The following CDH4 variants were observed in gnomAD, a reference collection of about 807,000 sequenced individuals.
The protein encoded by CDH4 is cadherin-4.
A neutral mutation model predicts 86.0 loss-of-function variants in CDH4; 33 were observed. The ratio of observed to expected loss-of-function variants is 0.38; its 90% CI spans 0.29 to 0.51. The LOEUF (loss-of-function observed/expected upper bound fraction) is 0.51. Ranked by LOEUF, CDH4 falls within the 20% of genes least tolerant of loss-of-function variation. CDH4 has a pLI of 0.86. For missense variants in CDH4, 1,114 were observed against 1,307.4 expected, an observed-to-expected ratio of 0.85 and a Z score of 2.28; for synonymous variants, 555 against 549.4, an observed-to-expected ratio of 1.01 and a Z score of -0.14.
intron 7 of CDH4, among the ~76,000 whole-genome samples, chr20:61,884,406 C>T (rs1286577488): frequency 1.3e-5 from 2 of 152,354 alleles, no homozygotes; most frequent in South Asian, 4.1e-4. Flanking sequence ...GAGGCAAAGT[C>T]TGCGGAGCCA....
intron 2 of CDH4, among the ~76,000 whole-genome samples, chr20:61,281,835 G>A (rs2084260642): frequency 6.6e-6 from 1 of 152,204 alleles, no homozygotes; most frequent in African/African-American, 2.4e-5. Context: ...TGACATGATT[G>A]CAGACATGTT....
In CDH4 at chr20:61,487,852, G is replaced by A. The variant is rs780553413; in HGVS notation, c.169+232915G>A. 2.0e-4 allele frequency among the ~76,000 whole-genome samples: 31 copies of A among 152,336 alleles called. No individual in the cohort carries two copies. The Middle Eastern group carries it at 0.01, about 50-fold the overall frequency. On this transcript the variant is annotated intron_variant, in intron 2 of 15. Coordinates refer to ENST00000614565, the MANE Select transcript of CDH4 (RefSeq NM_001794.5). ...TATTCAAAGTGTCAAAGTCTTGTCC[G>A]TGGAAACAGTCTGCATATGCAGTTA...
At chr20:61,647,558 CCT>C (rs2087076839) in intron 2 of CDH4, among the ~76,000 whole-genome samples, 1 of 83,716 alleles carries the variant, frequency 1.2e-5, no homozygotes, top group South Asian at 3.3e-4. Flanking sequence ...TCTCCCTCTC[CCT>C]CTCCCTCTCC....
chr20:61,648,068 C>T (rs1219481003), intron 2 of CDH4, among the ~76,000 whole-genome samples: 2 of 152,210 alleles, frequency 1.3e-5, no homozygotes, highest in Non-Finnish European at 2.9e-5. Flanking sequence ...CAGGCGTGGG[C>T]TCCAGCCACC....
chr20:61,326,286 T>C (rs918324727), intron 2 of CDH4, among the ~76,000 whole-genome samples: 4 of 152,160 alleles, frequency 2.6e-5, no homozygotes, highest in Non-Finnish European at 4.4e-5. Flanking sequence ...AAATAAAGGA[T>C]TGAGTGACCT....
At chr20:61,917,607 G>C (rs2054918320) in intron 9 of CDH4, among the ~76,000 whole-genome samples, 1 of 152,340 alleles carries the variant, frequency 6.6e-6, no homozygotes, top group Admixed American at 6.5e-5. Context: ...TCCCATCGGA[G>C]GGGAGCAGGG....
At chr20:61,341,909 T>A (rs1425331838) in intron 2 of CDH4, among the ~76,000 whole-genome samples, 1 of 152,152 alleles carries the variant, frequency 6.6e-6, no homozygotes, top group Non-Finnish European at 1.5e-5. Context: ...GGTTTGCGTC[T>A]CCTTTTCTTG....
chr20:61,708,506 T>C lies in CDH4; in HGVS notation c.170-35057T>C, dbSNP rs1281251765. Among the ~76,000 whole-genome samples the C allele has an allele frequency of 1.3e-5, 2 of 152,120 alleles. No homozygotes were observed. The highest frequency in any genetic ancestry group is 1.5e-5 in the Non-Finnish European group (1 of 68,024). On this transcript the variant is annotated intron_variant, in intron 2 of 15. Coordinates refer to ENST00000614565, the MANE Select transcript of CDH4 (RefSeq NM_001794.5). The surrounding 1 kb of genome is among the most constrained non-coding windows in gnomAD (Gnocchi z 4.5). ...CAATCCAGGCCCCGGGCTCCCAGTT[T>C]GACACCCGGCCACACAGCCCTGACT...
intron 2 of CDH4, among the ~76,000 whole-genome samples, chr20:61,670,791 G>A (rs2087377816): frequency 6.6e-6 from 1 of 152,198 alleles, no homozygotes. Context: ...GGAAGTCTGG[G>A]GCACTGTTCT....
chr20:61,815,910 C>T (rs545139674), intron 4 of CDH4, among the ~76,000 whole-genome samples: 9 of 152,316 alleles, frequency 5.9e-5, no homozygotes, highest in African/African-American at 1.7e-4. Context: ...CCGCAATGCC[C>T]GCGTTCATTT....
At chr20:61,881,501 GGCA>G (rs1362020390) in intron 7 of CDH4, among the ~76,000 whole-genome samples, 2 of 152,254 alleles carry the variant, frequency 1.3e-5, no homozygotes, top group Non-Finnish European at 2.9e-5. Flanking sequence ...GGCCCCACCT[GGCA>G]GCAGCGGCCA....
chr20:61,545,538 G>A (rs538045589), intron 2 of CDH4, among the ~76,000 whole-genome samples: 5 of 152,310 alleles, frequency 3.3e-5, no homozygotes, highest in South Asian at 2.1e-4. Flanking sequence ...ACTCTGTCCC[G>A]TCCTCTTTCT....
Position 61,296,284 on chromosome 20 carries a change from C to CGTGT in CDH4, c.169+41357_169+41360dup, listed in dbSNP as rs796871073. Among the ~76,000 whole-genome samples the CGTGT allele has an allele frequency of 2.4e-4, 21 of 86,286 alleles. No individual in the cohort carries two copies. The East Asian group carries it at 4.8e-3, about 20-fold the overall frequency. 56.6% of individuals were successfully genotyped at this position (86,286 alleles called of 152,430 possible). On this transcript the variant is annotated intron_variant, in intron 2 of 15. Coordinates refer to ENST00000614565, the MANE Select transcript of CDH4 (RefSeq NM_001794.5). The stretch of plus-strand genomic sequence containing the variant: ...GTGCGTGTGTGTGTGTGCGTGGGTG[C>CGTGT]GTGTGTGTGTGTGCGTGGGTGCGTG...
intron 5 of CDH4, among the ~76,000 whole-genome samples, chr20:61,848,743 G>T (rs183581784): frequency 1.3e-5 from 2 of 152,272 alleles, no homozygotes; most frequent in Admixed American, 1.3e-4. Flanking sequence ...GGCCAGGCTG[G>T]TCTCAAACTC....
chr20:61,444,122 A>C (rs1418385652), intron 2 of CDH4, among the ~76,000 whole-genome samples: 1 of 140,164 alleles, frequency 7.1e-6, no homozygotes, highest in Non-Finnish European at 1.6e-5. Context: ...GTGTATCTCT[A>C]TATGTGTCTC....
At chr20:61,826,557 T>G (rs79483042) in intron 4 of CDH4, among the ~76,000 whole-genome samples, 2 of 152,138 alleles carry the variant, frequency 1.3e-5, no homozygotes, top group Non-Finnish European at 2.9e-5. Context: ...AGGGCGGTGA[T>G]GGGGGTGGGG....
At chr20:61,300,215 G>A (rs1292164752) in intron 2 of CDH4, among the ~76,000 whole-genome samples, 55 of 152,118 alleles carry the variant, frequency 3.6e-4, no homozygotes, top group Admixed American at 3.5e-3. Flanking sequence ...AGGCAGTGGG[G>A]TCAGGTGCCA....
chr20:61,510,171 G>A lies in CDH4; in HGVS notation c.170-233392G>A, dbSNP rs2085769300. Among the ~76,000 whole-genome samples the A allele has an allele frequency of 2.0e-5, 3 of 152,166 alleles. No homozygotes were observed. Among genetic ancestry groups the A allele is most frequent in the Non-Finnish European group, 2.9e-5 (2 of 68,024 alleles). The stretch of plus-strand genomic sequence containing the variant: ...TCTGATCAGAAAGAGCTTCAACCCG[G>A]AAATTTAGTGATTTGCAATATGCCA... On this transcript the variant is annotated intron_variant, in intron 2 of 15. Transcript: ENST00000614565. The surrounding 1 kb of genome is among the most constrained non-coding windows in gnomAD (Gnocchi z 4.2).
At chr20:61,897,740 C>T (rs573663702) in intron 8 of CDH4, among the ~76,000 whole-genome samples, 18 of 152,224 alleles carry the variant, frequency 1.2e-4, no homozygotes, top group Non-Finnish European at 1.6e-4. Context: ...ACTGCAGCCT[C>T]GTGCGCCTCC....
Sources: allele counts gnomAD v4.1 joint callset (sites outside exome capture counted in the v4.1 genomes callset), GRCh38; gene constraint gnomAD v4.1.1; non-coding constraint Gnocchi (gnomAD v3.1); transcripts MANE v1.5; gene names NCBI Gene and HGNC (gene_info 2026-07-23, HGNC 2026-07-21).